Variants in TMPRSS11A observed in about 807,000 individuals in gnomAD.
The protein encoded by TMPRSS11A is transmembrane serine protease 11A.
Under a neutral mutation model 58.9 loss-of-function variants are expected in TMPRSS11A, and 53 were observed. The observed-to-expected ratio is 0.90, with a 90% confidence interval of 0.72 to 1.13. The LOEUF (loss-of-function observed/expected upper bound fraction) is 1.13. TMPRSS11A is among the 50% of genes most tolerant of loss of function. TMPRSS11A has a pLI of 0.00. For synonymous variants in TMPRSS11A, 167 were observed against 169.8 expected, an observed-to-expected ratio of 0.98 and a Z score of 0.13; for missense variants, 493 against 499.3, an observed-to-expected ratio of 0.99 and a Z score of 0.12.
chr4:67,947,797 G>A (rs191816999), intron 1 of TMPRSS11A, among the ~76,000 whole-genome samples: 5 of 152,282 alleles, frequency 3.3e-5, no homozygotes, highest in Admixed American at 2.0e-4. Flanking sequence ...GGCTGCATTA[G>A]CCTTGTTCAT....
At chr4:67,924,934 G>T (rs1297030150) in intron 5 of TMPRSS11A, among the ~76,000 whole-genome samples, 1 of 150,142 alleles carries the variant, frequency 6.7e-6, no homozygotes, top group Non-Finnish European at 1.5e-5. Flanking sequence ...GAACAGATCT[G>T]CTTTGATCTC....
At chr4:67,915,486 G>A (rs1217229724) in intron 8 of TMPRSS11A, among the ~76,000 whole-genome samples, 1 of 152,118 alleles carries the variant, frequency 6.6e-6, no homozygotes, top group African/African-American at 2.4e-5. Context: ...GTGAATATGA[G>A]GGATGCCATT....
rs533311816 is a variant in TMPRSS11A, at chr4:67,920,823, T to TG, written c.693-1592_693-1591insC. 1.4e-4 allele frequency among the ~76,000 whole-genome samples: 22 copies of TG among 152,108 alleles called. No individual in the cohort carries two copies. In the South Asian group the frequency reaches 3.7e-3, roughly 26 times the overall value. ...GACATAGAATCAACCTAAATGCCCA[T>TG]TAGTGATAGACTGGATAAAGAAAAT... On this transcript the variant is annotated intron_variant, in intron 7 of 9. Coordinates refer to ENST00000508048, the MANE Select transcript of TMPRSS11A (RefSeq NM_001114387.2).
chr4:67,951,928 A>C (rs1721171134), intron 1 of TMPRSS11A, among the ~76,000 whole-genome samples: 1 of 152,162 alleles, frequency 6.6e-6, no homozygotes, highest in Non-Finnish European at 1.5e-5. Context: ...TCCTTTTACT[A>C]AAGGAAATTG....
At position 67,922,564 on chromosome 4, in the gene TMPRSS11A, A is replaced by G. The variant is rs78021916; in HGVS notation, c.692+191T>C. Among the ~76,000 whole-genome samples the G allele has an allele frequency of 2.6e-3, 399 of 152,358 alleles. 2 individuals are homozygous for G. The highest frequency in any genetic ancestry group is 9.0e-3 in the African/African-American group (373 of 41,584). On this transcript the variant is annotated intron_variant, in intron 7 of 9. Coordinates refer to ENST00000508048, the MANE Select transcript of TMPRSS11A (RefSeq NM_001114387.2). ...GGAAATGATTGATGGATACTAGGAT[A>G]ATGACTGTTACTTATTCCCATCAAA...
chr4:67,931,837 C>A (rs1720631778), intron 4 of TMPRSS11A, among the ~76,000 whole-genome samples, 156 bp downstream of exon 4: 1 of 152,110 alleles, frequency 6.6e-6, no homozygotes, highest in Admixed American at 6.6e-5. Context: ...AAACGGTGGT[C>A]AGCCCTATAC....
At chr4:67,944,417 T>A in intron 3 of TMPRSS11A, 102 bp downstream of exon 3, 1 of 1,346,224 alleles carries the variant, frequency 7.4e-7, no homozygotes. Context: ...ATGATTCTAA[T>A]GTTGGCGGTC....
chr4:67,926,873 C>T (rs1216252633), intron 5 of TMPRSS11A, among the ~76,000 whole-genome samples: 1 of 152,164 alleles, frequency 6.6e-6, no homozygotes, highest in Non-Finnish European at 1.5e-5. Flanking sequence ...CATGGGACTA[C>T]CTGCCTGCAG....
At chr4:67,920,837 G>C (rs1259095914) in intron 7 of TMPRSS11A, among the ~76,000 whole-genome samples, 3 of 151,836 alleles carry the variant, frequency 2.0e-5, no homozygotes, top group African/African-American at 7.3e-5. Flanking sequence ...TGATAGACTG[G>C]ATAAAGAAAA....
intron 3 of TMPRSS11A, among the ~76,000 whole-genome samples, chr4:67,933,573 T>A (rs555538861): frequency 1.3e-5 from 2 of 152,344 alleles, no homozygotes; most frequent in Admixed American, 1.3e-4. Flanking sequence ...AAATTGCTAG[T>A]ATCCAAAATA....
intron 3 of TMPRSS11A, among the ~76,000 whole-genome samples, chr4:67,935,027 C>T (rs1348331158): frequency 6.6e-6 from 1 of 152,108 alleles, no homozygotes; most frequent in African/African-American, 2.4e-5. Context: ...TGAAAAAAAA[C>T]TTTAGATCCT....
chr4:67,924,835 C>T (rs1385127253), intron 5 of TMPRSS11A, among the ~76,000 whole-genome samples: 1 of 152,134 alleles, frequency 6.6e-6, no homozygotes, highest in East Asian at 1.9e-4. Context: ...ATTATGGGGG[C>T]TACAATTCGA....
chr4:67,912,843 G>A (rs572872773), intron 9 of TMPRSS11A, among the ~76,000 whole-genome samples: 16 of 152,240 alleles, frequency 1.1e-4, no homozygotes, highest in African/African-American at 3.9e-4. Context: ...TAGGATGCAT[G>A]TAAGCTTCAG....
chr4:67,947,623 G>T (rs1553923480), intron 1 of TMPRSS11A, among the ~76,000 whole-genome samples: 1 of 152,130 alleles, frequency 6.6e-6, no homozygotes, highest in Non-Finnish European at 1.5e-5. Flanking sequence ...GTGGTGCTGT[G>T]TATTTTATAT....
chr4:67,943,893 C>T (rs1314369000), intron 3 of TMPRSS11A, among the ~76,000 whole-genome samples: 2 of 152,066 alleles, frequency 1.3e-5, no homozygotes, highest in Non-Finnish European at 2.9e-5. Context: ...TTCTGTGCTT[C>T]CTTGTTAGAA....
chr4:67,920,800 C>A (rs1720305356), intron 7 of TMPRSS11A, among the ~76,000 whole-genome samples: 1 of 151,850 alleles, frequency 6.6e-6, no homozygotes, highest in Admixed American at 6.6e-5. Context: ...ATAGCAAAGA[C>A]ATAGAATCAA....
At chr4:67,962,705 G>A (rs530714096) in intron 1 of TMPRSS11A, among the ~76,000 whole-genome samples, 82 of 152,262 alleles carry the variant, frequency 5.4e-4, no homozygotes, top group African/African-American at 1.9e-3. Flanking sequence ...TATTTTAACT[G>A]TATATAAAGT....
intron 1 of TMPRSS11A, among the ~76,000 whole-genome samples, chr4:67,950,117 G>A (rs115267209): frequency 6.6e-6 from 1 of 152,232 alleles, no homozygotes; most frequent in Non-Finnish European, 1.5e-5. Flanking sequence ...CTATTTATTA[G>A]CTCACAGCTC....
intron 5 of TMPRSS11A, 133 bp from the exon 6 acceptor site, chr4:67,924,299 G>A (rs142521133): frequency 8.6e-4 from 660 of 770,964 alleles, no homozygotes; most frequent in Non-Finnish European, 1.2e-3. Context: ...TTAGGAGAAT[G>A]GCTATCTGAT....
Sources: gnomAD v4.1 joint callset for allele counts (sites outside exome capture counted in the v4.1 genomes callset) on GRCh38, gnomAD v4.1.1 for gene constraint, MANE v1.5 for transcripts, NCBI Gene and HGNC (gene_info 2026-07-23, HGNC 2026-07-21) for gene names.